Variants in BAALC observed in about 807,000 individuals in gnomAD.
BAALC encodes the protein brain and acute leukemia cytoplasmic protein.
A neutral mutation model predicts 15.5 loss-of-function variants in BAALC; 9 were observed. The ratio of observed to expected loss-of-function variants is 0.58; its 90% CI spans 0.35 to 1.02. The LOEUF is 1.02. BAALC is among the 50% of genes least tolerant of loss of function. BAALC has a pLI of 0.02. For missense variants in BAALC, 201 were observed against 192.4 expected (o/e 1.04, Z -0.27); for synonymous variants, 80 against 74.6 (o/e 1.07, Z -0.37).
At chr8:103,195,107 C>T (rs901177764) in intron 1 of BAALC, among the ~76,000 whole-genome samples, 7 of 152,104 alleles carry the variant, frequency 4.6e-5, no homozygotes, top group Admixed American at 3.3e-4. Context: ...ACCTTCTAGT[C>T]CCAGAATCAA....
chr8:103,195,060 G>A (rs1006888986), intron 1 of BAALC, among the ~76,000 whole-genome samples: 9 of 152,116 alleles, frequency 5.9e-5, no homozygotes, highest in Admixed American at 2.0e-4. Context: ...TTTGAGGCTG[G>A]AGACCCTTCC....
chr8:103,172,077 T>C (rs1424933270), intron 1 of BAALC: 1 of 152,228 alleles, frequency 6.6e-6, no homozygotes. Flanking sequence ...CTGTTTTATG[T>C]CCCCTAAACT....
At chr8:103,218,213 C>A (rs576394003) in intron 2 of BAALC, among the ~76,000 whole-genome samples, 4 of 152,152 alleles carry the variant, frequency 2.6e-5, no homozygotes, top group African/African-American at 9.7e-5. Flanking sequence ...CCAATCCCCC[C>A]GCCTTATGCC....
At chr8:103,216,551 G>A (rs115470672) in intron 2 of BAALC, among the ~76,000 whole-genome samples, 291 of 152,148 alleles carry the variant, frequency 1.9e-3, no homozygotes, top group African/African-American at 6.5e-3. Context: ...GCAGTGGTTC[G>A]GTCACTGCCC....
At chr8:103,151,340 G>T (rs986297118) in intron 1 of BAALC, among the ~76,000 whole-genome samples, 1 of 152,104 alleles carries the variant, frequency 6.6e-6, no homozygotes, top group Non-Finnish European at 1.5e-5. Context: ...TTAACAACAG[G>T]CATTTATCAG....
At chr8:103,198,018 C>A (rs1812133396) in intron 1 of BAALC, 1 of 653,598 alleles carries the variant, frequency 1.5e-6, no homozygotes. Flanking sequence ...TGAGGACTAA[C>A]CATGCCTGAT....
intron 1 of BAALC, among the ~76,000 whole-genome samples, chr8:103,167,011 A>C (rs894882144): frequency 2.6e-5 from 4 of 152,172 alleles, no homozygotes; most frequent in African/African-American, 4.8e-5. Flanking sequence ...GTGAAATGGA[A>C]CGCTTTGCCT....
intron 1 of BAALC, among the ~76,000 whole-genome samples, chr8:103,160,098 G>A (rs1204971092): frequency 6.6e-6 from 1 of 152,032 alleles, no homozygotes; most frequent in Non-Finnish European, 1.5e-5. Context: ...TCTTATATAT[G>A]TAACAGTATT....
At chr8:103,212,879 G>A (rs372315334) in intron 1 of BAALC, 40 bp from the exon 2 acceptor site, 17 of 1,572,284 alleles carry the variant, frequency 1.1e-5, no homozygotes, top group Non-Finnish European at 1.5e-5. Flanking sequence ...CATCTGCCAT[G>A]TGCAAGCTTC....
chr8:103,176,340 GAATAT>G (rs1220196722), intron 1 of BAALC, among the ~76,000 whole-genome samples: 1 of 152,048 alleles, frequency 6.6e-6, no homozygotes, highest in Non-Finnish European at 1.5e-5. Flanking sequence ...AGTCATTGCA[GAATAT>G]AATAGTGACA....
intron 2 of BAALC, among the ~76,000 whole-genome samples, chr8:103,224,104 T>A (rs1350767783): frequency 8.4e-6 from 1 of 119,738 alleles, no homozygotes; most frequent in African/African-American, 3.2e-5. Flanking sequence ...TGCATGTGCT[T>A]CTGCGTGCGT....
intron 1 of BAALC, among the ~76,000 whole-genome samples, chr8:103,188,168 G>T (rs1811888023): frequency 6.6e-6 from 1 of 152,214 alleles, no homozygotes; most frequent in South Asian, 2.1e-4. Context: ...TCTTCTGTTG[G>T]CTTCATTCTC....
chr8:103,182,873 A>G (rs1033192689), intron 1 of BAALC, among the ~76,000 whole-genome samples: 9 of 152,210 alleles, frequency 5.9e-5, no homozygotes, highest in Non-Finnish European at 1.0e-4. Context: ...AGCTAACTCC[A>G]TAGCACAGGG....
chr8:103,166,727 T>C (rs1298966091), intron 1 of BAALC, among the ~76,000 whole-genome samples: 1 of 152,208 alleles, frequency 6.6e-6, no homozygotes, highest in East Asian at 1.9e-4. Context: ...TCACTATTAA[T>C]GAGGTGCTTG....
rs991228912 is a variant in BAALC at position 103,183,374 on chromosome 8, C to T, written c.161-29545C>T. 14 of 702,876 alleles carry T rather than the reference C, an allele frequency of 2.0e-5. No individual in the cohort carries two copies. In the African/African-American group the frequency reaches 2.1e-4, roughly 11 times the overall value. The allele number at this position is 702,876 out of a possible 1,614,324, so 43.5% of individuals were successfully genotyped here. On this transcript the variant is annotated intron_variant, in intron 1 of 2. Coordinates refer to ENST00000309982, the MANE Select transcript of BAALC (RefSeq NM_024812.3). ...CCTGGTTTTGCCCATTAGCCCATTA[C>T]CCTCTTGCCTTTGCACTTGCCTGGA... is the stretch of plus-strand genomic sequence containing the variant.
At chr8:103,168,960 G>C (rs1233726724) in intron 1 of BAALC, among the ~76,000 whole-genome samples, 1 of 151,950 alleles carries the variant, frequency 6.6e-6, no homozygotes, top group African/African-American at 2.4e-5. Flanking sequence ...AGGTTTTCAA[G>C]GTGTTGTTGA....
At chr8:103,181,792 A>G (rs936696731) in intron 1 of BAALC, among the ~76,000 whole-genome samples, 12 of 152,338 alleles carry the variant, frequency 7.9e-5, no homozygotes, top group South Asian at 4.1e-4. Flanking sequence ...AACATGCTGC[A>G]TACTGGTGGT....
At chr8:103,178,897 A>T (rs1319715403) in intron 1 of BAALC, among the ~76,000 whole-genome samples, 1 of 152,014 alleles carries the variant, frequency 6.6e-6, no homozygotes. Context: ...AAAACAAAAT[A>T]AATAAATGGC....
At chr8:103,207,556 C>T (rs961986747) in intron 1 of BAALC, among the ~76,000 whole-genome samples, 4 of 152,178 alleles carry the variant, frequency 2.6e-5, no homozygotes, top group African/African-American at 9.7e-5. Context: ...CTTCAGTGAT[C>T]AACCTTTGTC....
Sources: allele counts gnomAD v4.1 joint callset (sites outside exome capture counted in the v4.1 genomes callset), GRCh38; gene constraint gnomAD v4.1.1; transcripts MANE v1.5; gene names NCBI Gene and HGNC (gene_info 2026-07-23, HGNC 2026-07-21).